PWP1: variants seen among roughly 807,000 people sequenced by gnomAD.
PWP1 encodes the protein PWP1 homolog, endonuclein.
In PWP1, 47 loss-of-function variants were observed where a neutral mutation model predicts 69.9. The ratio of observed to expected loss-of-function variants is 0.67; its 90% CI spans 0.53 to 0.86. The LOEUF is 0.86. PWP1 is among the 40% of genes least tolerant of loss of function. The probability of loss-of-function intolerance (pLI) is 0.00; values close to 1 mark genes in which losing one functional copy is unlikely to be tolerated. For missense variants in PWP1, 551 were observed against 608.8 expected, an observed-to-expected ratio of 0.91 and a Z score of 1.00; for synonymous variants, 222 against 208.2, an observed-to-expected ratio of 1.07 and a Z score of -0.57.
At chr12:107,691,560 G>A (rs1455379724) in intron 3 of PWP1, among the ~76,000 whole-genome samples, 2 of 152,320 alleles carry the variant, frequency 1.3e-5, no homozygotes, top group East Asian at 3.9e-4. Context: ...CTGGCTTGGG[G>A]CACTAGGAAT....
intron 11 of PWP1, 48 bp from the exon 12 acceptor site, chr12:107,708,878 T>TA (rs1889881547): frequency 6.5e-7 from 1 of 1,528,186 alleles, no homozygotes; most frequent in Non-Finnish European, 9.0e-7. Flanking sequence ...TACCCATTGT[T>TA]AGATTTTGTG....
intron 8 of PWP1, among the ~76,000 whole-genome samples, chr12:107,702,102 T>C (rs957169287): frequency 1.3e-5 from 2 of 152,244 alleles, no homozygotes; most frequent in Non-Finnish European, 2.9e-5. Flanking sequence ...TATGTCCTTA[T>C]GCCAGTAGCA....
At chr12:107,699,471 T>C (rs1889661210) in intron 8 of PWP1, 37 bp downstream of exon 8, 1 of 1,534,456 alleles carries the variant, frequency 6.5e-7, no homozygotes, top group African/African-American at 1.4e-5. Flanking sequence ...TGTAAAAGAC[T>C]GTAGCCATTG....
intron 9 of PWP1, 125 bp downstream of exon 9, chr12:107,703,156 A>C (rs147021387): frequency 2.9e-6 from 2 of 698,416 alleles, no homozygotes; most frequent in Middle Eastern, 2.5e-4. Flanking sequence ...ATGCTTTCAC[A>C]TGTTATCTCT....
chr12:107,704,605 T>C, intron 10 of PWP1, 31 bp from the exon 11 acceptor site: 2 of 1,543,688 alleles, frequency 1.3e-6, no homozygotes, highest in Non-Finnish European at 1.8e-6. Context: ...ATTGAACTCT[T>C]AAAACCCTAA....
At chr12:107,709,869 G>A (rs1024240392) in intron 13 of PWP1, among the ~76,000 whole-genome samples, 3 of 152,014 alleles carry the variant, frequency 2.0e-5, no homozygotes, top group South Asian at 2.1e-4. Context: ...ATTTTTAAGT[G>A]CATAATTGCC....
chr12:107,704,887 G>A, intron 11 of PWP1, 140 bp downstream of exon 11: 3 of 580,034 alleles, frequency 5.2e-6, no homozygotes, highest in Non-Finnish European at 8.7e-6. Context: ...AGCATAAGGT[G>A]TTTTTTTTTA....
At chr12:107,700,967 C>A (rs187518548) in intron 8 of PWP1, among the ~76,000 whole-genome samples, 1 of 152,260 alleles carries the variant, frequency 6.6e-6, no homozygotes, top group African/African-American at 2.4e-5. Context: ...TGGGCTCAAG[C>A]AATCCCCCCG....
chr12:107,686,086 G>C, intron 1 of PWP1, 115 bp downstream of exon 1: 4 of 1,137,806 alleles, frequency 3.5e-6, no homozygotes, highest in East Asian at 5.0e-5. Context: ...CGACTGGCTG[G>C]GGTGAGGGCG....
intron 1 of PWP1, among the ~76,000 whole-genome samples, chr12:107,687,223 T>G (rs1889388263): frequency 6.6e-6 from 1 of 152,212 alleles, no homozygotes; most frequent in South Asian, 2.1e-4. Context: ...ACTGTTTTAT[T>G]TACTGTTTCT....
intron 11 of PWP1, among the ~76,000 whole-genome samples, chr12:107,707,630 C>G (rs1188367045): frequency 1.3e-5 from 2 of 152,036 alleles, no homozygotes; most frequent in Admixed American, 6.6e-5. Flanking sequence ...TGTCAAAGGC[C>G]TTTTCTGCAT....
At chr12:107,696,717 A>T in intron 6 of PWP1, 133 bp downstream of exon 6, 4 of 1,408,070 alleles carry the variant, frequency 2.8e-6, no homozygotes, top group East Asian at 5.1e-5. Flanking sequence ...TTATTTTATG[A>T]AGTTATAGAG....
intron 14 of PWP1, 133 bp downstream of exon 14, chr12:107,710,643 C>T (rs1287525710): frequency 1.7e-5 from 23 of 1,373,678 alleles, no homozygotes; most frequent in South Asian, 3.1e-5. Flanking sequence ...GGTCCTCAGC[C>T]TTCTGTATAG....
At chr12:107,692,429 T>C (rs575001387) in intron 3 of PWP1, among the ~76,000 whole-genome samples, 2 of 152,392 alleles carry the variant, frequency 1.3e-5, no homozygotes, top group East Asian at 3.9e-4. Context: ...ATTTATTATG[T>C]TGATTTCAGT....
chr12:107,708,627 A>G (rs1412564813), intron 11 of PWP1, among the ~76,000 whole-genome samples: 5 of 152,090 alleles, frequency 3.3e-5, no homozygotes, highest in African/African-American at 1.2e-4. Context: ...TTGAGTAGCC[A>G]TGCTCACCAG....
At chr12:107,686,386 C>T (rs912002012) in intron 1 of PWP1, among the ~76,000 whole-genome samples, 3 of 152,184 alleles carry the variant, frequency 2.0e-5, no homozygotes, top group Admixed American at 2.0e-4. Flanking sequence ...CTCTTGTGCT[C>T]CGTGTCTGAA....
chr12:107,692,581 C>G, intron 3 of PWP1: 1 of 474,070 alleles, frequency 2.1e-6, no homozygotes, highest in Non-Finnish European at 3.7e-6. Context: ...ACAGTTCTTT[C>G]ATTGGAAGAT....
At chr12:107,708,666 C>T (rs1889876675) in intron 11 of PWP1, among the ~76,000 whole-genome samples, 1 of 152,184 alleles carries the variant, frequency 6.6e-6, no homozygotes, top group Non-Finnish European at 1.5e-5. Context: ...GTAACTATGG[C>T]CTCTTTTCTT....
intron 11 of PWP1, among the ~76,000 whole-genome samples, chr12:107,708,227 T>C (rs1320903506): frequency 6.6e-6 from 1 of 152,194 alleles, no homozygotes; most frequent in African/African-American, 2.4e-5. Context: ...GAGGTTAAAG[T>C]AGATGAAATG....
Sources: gnomAD v4.1 joint callset for allele counts (sites outside exome capture counted in the v4.1 genomes callset) on GRCh38, gnomAD v4.1.1 for gene constraint, MANE v1.5 for transcripts, NCBI Gene and HGNC (gene_info 2026-07-23, HGNC 2026-07-21) for gene names.